Variants in NSF observed in about 807,000 individuals in gnomAD.
NSF encodes the protein vesicle-fusing ATPase.
In NSF, 14 loss-of-function variants were observed where a neutral mutation model predicts 50.3. That is an observed-to-expected ratio of 0.28 (90% CI 0.18 to 0.44). NSF has a LOEUF of 0.44. Ranked by LOEUF, NSF falls within the 20% of genes least tolerant of loss-of-function variation. The pLI is 1.00. For synonymous variants in NSF, 109 were observed against 175.7 expected (o/e 0.62, Z 3.00); for missense variants, 218 against 504.3 (o/e 0.43, Z 5.44).
At chr17:46,722,215 A>G in intron 15 of NSF, 1 of 1,480,986 alleles carries the variant, frequency 6.8e-7, no homozygotes, top group South Asian at 1.1e-5. Context: ...AAGAGACCCA[A>G]ATCTCGCGAG....
chr17:46,720,090 T>C (rs888944052), intron 15 of NSF, among the ~76,000 whole-genome samples: 2 of 152,222 alleles, frequency 1.3e-5, no homozygotes, highest in East Asian at 3.8e-4. Context: ...GTTTAGTCTA[T>C]ACAAAGAGCA....
Position 46,734,697 on chromosome 17 carries a change from TAGAC to T in NSF, c.1908+5766_1908+5769del, listed in dbSNP as rs1405179959. The stretch of plus-strand genomic sequence containing the variant: ...TTTGTAAACCTGTGGACTACATAGA[TAGAC>T]AGTATTAAAGAACATATATATATAG... On this transcript the variant is annotated intron_variant, in intron 17 of 20. Coordinates refer to ENST00000398238, the MANE Select transcript of NSF (RefSeq NM_006178.4). Among the ~76,000 whole-genome samples the T allele has an allele frequency of 8.5e-5, 13 of 152,224 alleles. 1 individual carries two copies. The highest frequency in any genetic ancestry group is 6.8e-3 in the Middle Eastern group (2 of 294).
intron 9 of NSF, among the ~76,000 whole-genome samples, chr17:46,690,537 G>A (rs1358783942): frequency 1.4e-4 from 12 of 83,220 alleles, no homozygotes; most frequent in Non-Finnish European, 6.9e-5. Flanking sequence ...GCGTGAACCC[G>A]GGAGGCGGAG....
chr17:46,747,833 T>A (rs187673671), intron 17 of NSF, among the ~76,000 whole-genome samples: 1 of 152,192 alleles, frequency 6.6e-6, no homozygotes, highest in African/African-American at 2.4e-5. Context: ...AGAAAATGAA[T>A]GGGAGGAAAT....
At chr17:46,611,429 AAAAG>A (rs1331737047) in intron 1 of NSF, among the ~76,000 whole-genome samples, 4 of 48,740 alleles carry the variant, frequency 8.2e-5, no homozygotes, top group African/African-American at 4.1e-4. Context: ...AGTCTTGAAA[AAAAG>A]AGAACAAAAT....
chr17:46,728,784 A>C (rs752187129), intron 16 of NSF, 71 bp from the exon 17 acceptor site: 160 of 1,154,224 alleles, frequency 1.4e-4, no homozygotes, highest in Middle Eastern at 2.0e-4. Context: ...AAAAAAAAAA[A>C]ACAAAAACTG....
intron 17 of NSF, among the ~76,000 whole-genome samples, chr17:46,741,757 C>G (rs577914269): frequency 1.4e-5 from 1 of 70,328 alleles, no homozygotes; most frequent in South Asian, 7.1e-4. Flanking sequence ...GTTAATAGTA[C>G]TTGGTTTTTG....
chr17:46,749,661 T>C (rs1185581021), intron 17 of NSF, 112 bp from the exon 18 acceptor site: 1 of 1,020,142 alleles, frequency 9.8e-7, no homozygotes, highest in Non-Finnish European at 1.4e-6. Context: ...TGCCTAATCA[T>C]TTGCATCGGC....
intron 18 of NSF, among the ~76,000 whole-genome samples, chr17:46,750,345 T>C (rs1371358886): frequency 6.6e-6 from 1 of 152,118 alleles, no homozygotes; most frequent in Non-Finnish European, 1.5e-5. Context: ...GGAGCAAAAC[T>C]CTAACAACAA....
Position 46,756,168 on chromosome 17 carries a change from CTCAG to C in NSF, c.*351_*354del, listed in dbSNP as rs1434910516. 3 of 207,658 alleles carry C rather than the reference CTCAG, an allele frequency of 1.4e-5. No individual in the cohort carries two copies. Among genetic ancestry groups the C allele is most frequent in the Middle Eastern group, 1.7e-3 (1 of 590 alleles). 12.9% of individuals were successfully genotyped at this position (207,658 alleles called of 1,614,324 possible). On this transcript the variant is annotated 3_prime_UTR_variant, in exon 21 of 21. Transcript: ENST00000398238. ...ACTAGCACCATCACCCTTGAAAACT[CTCAG>C]TCAGTGTCATGAATGTTGCATGACA...
At chr17:46,747,453 G>A (rs543948718) in intron 17 of NSF, among the ~76,000 whole-genome samples, 14 of 151,998 alleles carry the variant, frequency 9.2e-5, no homozygotes, top group Non-Finnish European at 1.8e-4. Context: ...GCTAATTTTG[G>A]TATTTTTGTT....
chr17:46,726,448 C>A, intron 15 of NSF, 101 bp from the exon 16 acceptor site: 1 of 1,032,546 alleles, frequency 9.7e-7, no homozygotes, highest in Non-Finnish European at 1.5e-6. Context: ...TGGTGTTTTC[C>A]TGTGCTTTGT....
chr17:46,752,003 G>A (rs1317867641), intron 19 of NSF, among the ~76,000 whole-genome samples: 1 of 152,224 alleles, frequency 6.6e-6, no homozygotes, highest in Non-Finnish European at 1.5e-5. Flanking sequence ...AGAAGGGATG[G>A]TGTTGCACCT....
At chr17:46,679,692 C>CAAA in intron 9 of NSF, among the ~76,000 whole-genome samples, 1 of 101,514 alleles carries the variant, frequency 9.9e-6, no homozygotes, top group African/African-American at 4.2e-5. Flanking sequence ...AACTCCATGT[C>CAAA]AAAAAAAAAA....
intron 9 of NSF, among the ~76,000 whole-genome samples, chr17:46,679,000 A>C (rs1185468511): frequency 6.6e-6 from 1 of 151,644 alleles, no homozygotes; most frequent in Non-Finnish European, 1.5e-5. Flanking sequence ...CTCACAAATA[A>C]ATTATTGAGC....
At chr17:46,737,908 A>T (rs1205049537) in intron 17 of NSF, among the ~76,000 whole-genome samples, 16 of 145,872 alleles carry the variant, frequency 1.1e-4, no homozygotes, top group Admixed American at 9.1e-4. Context: ...TAAAATTAGC[A>T]TATTATTATT....
chr17:46,742,651 C>T (rs997767846), intron 17 of NSF, among the ~76,000 whole-genome samples: 1 of 152,102 alleles, frequency 6.6e-6, no homozygotes, highest in Non-Finnish European at 1.5e-5. Context: ...CAGGCAGGTC[C>T]TTGACTTGGA....
intron 9 of NSF, among the ~76,000 whole-genome samples, chr17:46,684,425 CAT>C (rs1247398688): frequency 8.6e-5 from 13 of 151,918 alleles, no homozygotes; most frequent in Middle Eastern, 3.4e-3. Flanking sequence ...CCTCAATAAA[CAT>C]GTGTGCATGT....
chr17:46,668,897 TTAAG>T (rs2058359269), intron 8 of NSF, among the ~76,000 whole-genome samples: 2 of 112,866 alleles, frequency 1.8e-5, no homozygotes, highest in African/African-American at 8.6e-5. Flanking sequence ...TAGTTCTTAC[TTAAG>T]TAAGTTATAG....
Sources: gnomAD v4.1 joint callset for allele counts (sites outside exome capture counted in the v4.1 genomes callset) on GRCh38, gnomAD v4.1.1 for gene constraint, MANE v1.5 for transcripts, NCBI Gene and HGNC (gene_info 2026-07-23, HGNC 2026-07-21) for gene names.